FGD6: variants seen among roughly 807,000 people sequenced by gnomAD.
FGD6 encodes FYVE, RhoGEF and PH domain containing 6.
A neutral mutation model predicts 149.4 loss-of-function variants in FGD6; 90 were observed. The observed-to-expected ratio is 0.60, with a 90% confidence interval of 0.51 to 0.72. The LOEUF (loss-of-function observed/expected upper bound fraction) is 0.72, where lower values mean the gene tolerates loss of function less well. Among genes scored for constraint, FGD6 ranks in the 30% least tolerant of loss-of-function variants. FGD6 has a pLI of 0.00. For missense variants in FGD6, 1,437 were observed against 1,684.8 expected (o/e 0.85, Z 2.57); for synonymous variants, 527 against 584.0 (o/e 0.90, Z 1.41).
In FGD6 at chr12:95,084,618, A is replaced by T; in HGVS notation, c.4136T>A (p.Leu1379Ter). The change falls in exon 20 of 21, where the codon TTA becomes TAA. Residue 1379 changes from leucine (L) to a stop codon, truncating the protein, a stop_gained. Transcript: ENST00000343958. LOFTEE classifies it high-confidence loss of function. ...EDVAALESQPLLGFTVIQVKD... is the reference protein window; with the variant it reads ...EDVAALESQP ...AACTTGAATAACAGTGAATCCTAATAAAGGCTGACTCTCCAAAGCGGCCAC... is the reference window on the plus strand; with the variant it reads ...AACTTGAATAACAGTGAATCCTAATTAAGGCTGACTCTCCAAAGCGGCCAC... The T allele has an allele frequency of 6.2e-7, 1 of 1,602,530 alleles. No homozygotes were observed. Among genetic ancestry groups the T allele is most frequent in the Non-Finnish European group, 8.5e-7 (1 of 1,176,776 alleles).
chr12:95,192,618 A>G lies in FGD6; in HGVS notation c.2441+16225T>C, dbSNP rs185254967. Among the ~76,000 whole-genome samples the G allele has an allele frequency of 2.2e-4, 34 of 152,364 alleles. No individual in the cohort carries two copies. The Middle Eastern group carries it at 0.01, about 46-fold the overall frequency. On this transcript the variant is annotated intron_variant, in intron 2 of 20. Coordinates refer to ENST00000343958, the MANE Select transcript of FGD6 (RefSeq NM_018351.4). ...GGCTGTTTTCTAGTAGGAGAGACAC[A>G]TAAGCAAACAAGTAGATAATATACT... is the stretch of plus-strand genomic sequence containing the variant.
intron 2 of FGD6, among the ~76,000 whole-genome samples, chr12:95,199,742 C>A (rs946797371): frequency 3.3e-5 from 5 of 151,414 alleles, no homozygotes; most frequent in African/African-American, 1.2e-4. Flanking sequence ...GTAGCTGGGA[C>A]TACAGGCACG....
intron 2 of FGD6, among the ~76,000 whole-genome samples, chr12:95,178,983 C>T (rs1881206744): frequency 6.6e-6 from 1 of 152,024 alleles, no homozygotes; most frequent in Non-Finnish European, 1.5e-5. Flanking sequence ...AGAAATCACA[C>T]AAAAATATCC....
intron 8 of FGD6, among the ~76,000 whole-genome samples, chr12:95,129,303 GCATGCATGCATCCATC>G (rs1471561545): frequency 1.5e-4 from 20 of 130,820 alleles, no homozygotes; most frequent in East Asian, 1.5e-3. Flanking sequence ...ATCCATGCAT[GCATGCATGCATCCATC>G]CATCCATCCA....
chr12:95,191,177 T>C (rs1298815106), intron 2 of FGD6, among the ~76,000 whole-genome samples: 1 of 152,234 alleles, frequency 6.6e-6, no homozygotes, highest in African/African-American at 2.4e-5. Context: ...TTGATTGGCA[T>C]GGGAATTTAG....
intron 2 of FGD6, among the ~76,000 whole-genome samples, chr12:95,203,661 T>C (rs2056674791): frequency 7.5e-6 from 1 of 133,534 alleles, no homozygotes; most frequent in South Asian, 2.4e-4. Context: ...AGTACAATGC[T>C]TGACATATGG....
At chr12:95,166,446 T>G (rs1354776963) in intron 3 of FGD6, among the ~76,000 whole-genome samples, 2 of 152,180 alleles carry the variant, frequency 1.3e-5, no homozygotes, top group Non-Finnish European at 2.9e-5. Flanking sequence ...CAGTGGCCCA[T>G]GCCTATAATC....
At chr12:95,105,704 C>A (rs765933488) in intron 13 of FGD6, among the ~76,000 whole-genome samples, 1 of 152,162 alleles carries the variant, frequency 6.6e-6, no homozygotes, top group African/African-American at 2.4e-5. Context: ...CATGAGTGAA[C>A]AAATGACTAC....
rs529724663 is a variant in FGD6 at position 95,120,336 on chromosome 12, A to T, written c.3083-6635T>A. 4.7e-5 allele frequency among the ~76,000 whole-genome samples: 7 copies of T among 150,486 alleles called. No homozygotes were observed. The South Asian group carries it at 8.6e-4, about 18-fold the overall frequency. On this transcript the variant is annotated intron_variant, in intron 8 of 20. Transcript: ENST00000343958. ...GGGAGAATAATTTATTTATTTATTTATTTATTTTTTATTTTTTTTGCTTCA... is the reference window on the plus strand; with the variant it reads ...GGGAGAATAATTTATTTATTTATTTTTTTATTTTTTATTTTTTTTGCTTCA...
intron 2 of FGD6, among the ~76,000 whole-genome samples, chr12:95,175,669 C>T (rs1881112672): frequency 6.6e-6 from 1 of 151,654 alleles, no homozygotes; most frequent in Non-Finnish European, 1.5e-5. Flanking sequence ...CACTGGAACT[C>T]AAGAGGCAGA....
At chr12:95,098,024 G>A (rs1294103820) in intron 14 of FGD6, among the ~76,000 whole-genome samples, 5 of 152,110 alleles carry the variant, frequency 3.3e-5, no homozygotes, top group South Asian at 2.1e-4. Context: ...TCTGCCAGCC[G>A]TGGTCATCTC....
intron 3 of FGD6, among the ~76,000 whole-genome samples, chr12:95,161,248 C>T (rs1054140473): frequency 1.3e-5 from 2 of 151,906 alleles, no homozygotes; most frequent in East Asian, 3.9e-4. Context: ...GTAATCCCAG[C>T]ACTTTGGGAG....
intron 3 of FGD6, among the ~76,000 whole-genome samples, chr12:95,170,463 GA>G (rs1461715757): frequency 1.3e-5 from 2 of 152,056 alleles, no homozygotes; most frequent in East Asian, 3.9e-4. Context: ...CCAACATAGT[GA>G]AACCCCGTCT....
rs2056722516 is a variant in FGD6 at position 95,210,822 on chromosome 12, T to G, written c.462A>C (p.Lys154Asn). The G allele has an allele frequency of 6.2e-7, 1 of 1,613,500 alleles. No individual in the cohort carries two copies. Among genetic ancestry groups the G allele is most frequent in the Non-Finnish European group, 8.5e-7 (1 of 1,179,908 alleles). Residue 154 changes from lysine (K) to asparagine (N), a missense_variant, in exon 2 of 21, where the codon AAA (lysine) becomes AAC (asparagine). Coordinates refer to ENST00000343958, the MANE Select transcript of FGD6 (RefSeq NM_018351.4). ...CATACAAATCACATTTACTCCTAGT[T>G]TTTATAGTCAAAGTCTCATCAATTT... is the stretch of plus-strand genomic sequence containing the variant. ...NSKIDETLTI[K>N]TRSKCDLYGE...
At chr12:95,181,870 C>T (rs886987332) in intron 2 of FGD6, among the ~76,000 whole-genome samples, 1 of 150,446 alleles carries the variant, frequency 6.6e-6, no homozygotes, top group African/African-American at 2.4e-5. Context: ...AGGAGAATGG[C>T]GAGGCAGAGC....
rs77107812 is a variant in FGD6, at chr12:95,180,886, T to A, written c.2442-8142A>T. On this transcript the variant is annotated intron_variant, in intron 2 of 20. Transcript: ENST00000343958. ...ATATAAACTCTTTAGGGATAGTTTA[T>A]TTTCTTCCCAGGATGATGAGATTAA... Among the ~76,000 whole-genome samples, 1,462 of 152,242 alleles carry A rather than the reference T, an allele frequency of 9.6e-3. 10 individuals carry two copies. Among genetic ancestry groups the A allele is most frequent in the Middle Eastern group, 0.017 (5 of 294 alleles).
At chr12:95,136,291 G>A (rs1263140551) in intron 7 of FGD6, among the ~76,000 whole-genome samples, 2 of 151,942 alleles carry the variant, frequency 1.3e-5, no homozygotes, top group Non-Finnish European at 2.9e-5. Flanking sequence ...CTCGGAGGCA[G>A]AGGTTGCAGT....
chr12:95,113,518 G>C, intron 9 of FGD6, 133 bp downstream of exon 9: 2 of 699,320 alleles, frequency 2.9e-6, no homozygotes, highest in Non-Finnish European at 4.9e-6. Context: ...TTACAGGTGT[G>C]AGCCACCGCA....
chr12:95,197,181 G>A (rs1306352681), intron 2 of FGD6, among the ~76,000 whole-genome samples: 2 of 150,980 alleles, frequency 1.3e-5, no homozygotes, highest in African/African-American at 2.4e-5. Context: ...GCTCATGCCT[G>A]TAATCCCAGC....
Sources: gnomAD v4.1 joint callset for allele counts (sites outside exome capture counted in the v4.1 genomes callset) on GRCh38, gnomAD v4.1.1 for gene constraint, MANE v1.5 for transcripts, NCBI Gene and HGNC (gene_info 2026-07-23, HGNC 2026-07-21) for gene names.